The following CCDC178 variants were observed in gnomAD, a reference collection of about 807,000 sequenced individuals.
CCDC178 encodes coiled-coil domain containing 178, also known as coiled-coil domain-containing protein 178.
In CCDC178, 126 loss-of-function variants were observed where a neutral mutation model predicts 117.4. The observed-to-expected ratio is 1.07, with a 90% confidence interval of 0.93 to 1.24. CCDC178 has a LOEUF of 1.24. CCDC178 is among the 50% of genes most tolerant of loss of function. The probability of loss-of-function intolerance (pLI) is 0.00; values close to 1 mark genes in which losing one functional copy is unlikely to be tolerated. For missense variants in CCDC178, 1,030 were observed against 986.9 expected, an observed-to-expected ratio of 1.04 and a Z score of -0.59; for synonymous variants, 283 against 313.4, an observed-to-expected ratio of 0.90 and a Z score of 1.02.
intron 20 of CCDC178, among the ~76,000 whole-genome samples, chr18:33,106,806 G>C (rs1173206020): frequency 3.3e-5 from 5 of 151,664 alleles, no homozygotes; most frequent in Non-Finnish European, 7.4e-5. Context: ...GAGAGATGTG[G>C]AGGAAGAAGC....
intron 2 of CCDC178, among the ~76,000 whole-genome samples, chr18:33,412,391 G>A (rs185889189): frequency 6.6e-6 from 1 of 152,002 alleles, no homozygotes; most frequent in African/African-American, 2.4e-5. Context: ...ATTGGCAATT[G>A]TAGCTATGGG....
chr18:33,058,655 T>C (rs1326742719), intron 21 of CCDC178, among the ~76,000 whole-genome samples: 2 of 152,216 alleles, frequency 1.3e-5, no homozygotes, highest in African/African-American at 4.8e-5. Context: ...ATTTGACAGC[T>C]GAAACAAAGG....
intron 8 of CCDC178, among the ~76,000 whole-genome samples, 162 bp from the exon 9 acceptor site, chr18:33,346,573 A>C (rs1469369406): frequency 6.6e-6 from 1 of 152,084 alleles, no homozygotes; most frequent in East Asian, 1.9e-4. Flanking sequence ...TAATACAAAT[A>C]TAAGATTAAT....
At chr18:33,275,213 G>A (rs1353887874) in intron 12 of CCDC178, among the ~76,000 whole-genome samples, 1 of 151,776 alleles carries the variant, frequency 6.6e-6, no homozygotes, top group African/African-American at 2.4e-5. Context: ...ACCATTCTGG[G>A]AAAAATGAGA....
intron 12 of CCDC178, among the ~76,000 whole-genome samples, chr18:33,282,418 G>C (rs913810708): frequency 6.6e-6 from 1 of 152,114 alleles, no homozygotes; most frequent in Non-Finnish European, 1.5e-5. Context: ...TGTCGGTCCT[G>C]ATCTCTGCAA....
intron 21 of CCDC178, among the ~76,000 whole-genome samples, chr18:32,989,063 C>A (rs1355881707): frequency 6.6e-6 from 1 of 152,060 alleles, no homozygotes; most frequent in East Asian, 1.9e-4. Flanking sequence ...CAATTGTATG[C>A]CAACTCTTTC....
At chr18:33,059,572 C>T (rs2056888046) in intron 21 of CCDC178, among the ~76,000 whole-genome samples, 1 of 152,114 alleles carries the variant, frequency 6.6e-6, no homozygotes, top group Non-Finnish European at 1.5e-5. Context: ...GTGCCAGACT[C>T]ATTCTTTTAT....
At chr18:33,234,952 T>C (rs964916075) in intron 15 of CCDC178, among the ~76,000 whole-genome samples, 1 of 152,194 alleles carries the variant, frequency 6.6e-6, no homozygotes, top group African/African-American at 2.4e-5. Context: ...GCATGGTGCA[T>C]ACATTAAGCT....
At chr18:33,063,580 G>A (rs1342340378) in intron 21 of CCDC178, among the ~76,000 whole-genome samples, 1 of 152,198 alleles carries the variant, frequency 6.6e-6, no homozygotes, top group Non-Finnish European at 1.5e-5. Context: ...ACCTCTCAGG[G>A]GCCCAAGGGT....
intron 18 of CCDC178, among the ~76,000 whole-genome samples, chr18:33,220,223 G>C (rs1458028746): frequency 1.3e-5 from 2 of 151,992 alleles, no homozygotes; most frequent in Non-Finnish European, 2.9e-5. Flanking sequence ...AGGCAATGGG[G>C]GTAAGGGAGC....
At chr18:33,215,229 A>G (rs2059150630) in intron 19 of CCDC178, among the ~76,000 whole-genome samples, 1 of 152,052 alleles carries the variant, frequency 6.6e-6, no homozygotes. Context: ...AAATTATTAA[A>G]CATGGAGTAT....
intron 12 of CCDC178, among the ~76,000 whole-genome samples, chr18:33,275,843 A>C (rs1453479779): frequency 6.6e-6 from 1 of 151,766 alleles, no homozygotes; most frequent in East Asian, 1.9e-4. Flanking sequence ...TGTTTCCTGC[A>C]CTGTGCCCTG....
chr18:33,179,078 A>ATATATATATATATATAT (rs1555656271), intron 20 of CCDC178, among the ~76,000 whole-genome samples: 2 of 55,824 alleles, frequency 3.6e-5, no homozygotes, highest in Non-Finnish European at 5.7e-5. Context: ...AAAAAAAAAA[A>ATATATATATATATATAT]ATATATATAT....
At chr18:33,147,003 T>C (rs2058275763) in intron 20 of CCDC178, among the ~76,000 whole-genome samples, 1 of 152,142 alleles carries the variant, frequency 6.6e-6, no homozygotes, top group African/African-American at 2.4e-5. Flanking sequence ...GCCCTGATCC[T>C]GGCATATTCC....
intron 21 of CCDC178, among the ~76,000 whole-genome samples, chr18:32,981,222 T>C (rs907729566): frequency 3.9e-5 from 6 of 152,188 alleles, no homozygotes; most frequent in Non-Finnish European, 8.8e-5. Context: ...GCAGGTGGTA[T>C]GTATGTTAGA....
chr18:32,956,713 T>G (rs763932417), intron 22 of CCDC178: 1 of 152,230 alleles, frequency 6.6e-6, no homozygotes, highest in Non-Finnish European at 1.5e-5. Flanking sequence ...AAGGCAATGA[T>G]GCTGGAACTC....
intron 20 of CCDC178, among the ~76,000 whole-genome samples, chr18:33,134,801 C>T (rs1199418116): frequency 2.6e-5 from 4 of 151,942 alleles, no homozygotes; most frequent in Non-Finnish European, 4.4e-5. Context: ...AGTTTTCACA[C>T]ATAAGTTTCT....
At chr18:32,974,424 T>C (rs2054989814) in intron 22 of CCDC178, 123 bp downstream of exon 22, 2 of 859,914 alleles carry the variant, frequency 2.3e-6, no homozygotes, top group South Asian at 1.6e-5. Context: ...TCCAGTTTAT[T>C]AAAGAGGTTA....
At chr18:32,987,090 G>C (rs1248273254) in intron 21 of CCDC178, among the ~76,000 whole-genome samples, 1 of 151,438 alleles carries the variant, frequency 6.6e-6, no homozygotes, top group African/African-American at 2.4e-5. Context: ...GAGAGAAAAA[G>C]GAAGCAGTAG....
Sources: allele counts gnomAD v4.1 joint callset (sites outside exome capture counted in the v4.1 genomes callset), GRCh38; gene constraint gnomAD v4.1.1; transcripts MANE v1.5; gene names NCBI Gene and HGNC (gene_info 2026-07-23, HGNC 2026-07-21).